Variants in TAFA2 observed in about 807,000 individuals in gnomAD.
TAFA2 encodes chemokine-like protein TAFA-2.
TAFA2 carries 7 observed loss-of-function variants against 18.8 expected under a neutral mutation model. The ratio of observed to expected loss-of-function variants is 0.37; its 90% CI spans 0.21 to 0.70. The LOEUF (loss-of-function observed/expected upper bound fraction) is 0.70, where lower values mean the gene tolerates loss of function less well. TAFA2 is among the 30% of genes least tolerant of loss of function. The probability of loss-of-function intolerance (pLI) is 0.53; values close to 1 mark genes in which losing one functional copy is unlikely to be tolerated. For synonymous variants in TAFA2, 60 were observed against 54.2 expected, an observed-to-expected ratio of 1.11 and a Z score of -0.47; for missense variants, 122 against 158.1, an observed-to-expected ratio of 0.77 and a Z score of 1.23.
intron 1 of TAFA2, among the ~76,000 whole-genome samples, chr12:62,018,875 G>C (rs902755922): frequency 2.0e-5 from 3 of 152,134 alleles, no homozygotes; most frequent in African/African-American, 7.2e-5. Context: ...ACTACCATCA[G>C]AATGAACAGG....
chr12:62,114,341 A>G (rs541905815), intron 1 of TAFA2, among the ~76,000 whole-genome samples: 3 of 152,226 alleles, frequency 2.0e-5, no homozygotes, highest in South Asian at 2.1e-4. Context: ...ACCAGTCCCA[A>G]TGAGATGAGC....
chr12:61,751,123 T>C (rs1005945910), intron 4 of TAFA2, among the ~76,000 whole-genome samples: 2 of 152,128 alleles, frequency 1.3e-5, no homozygotes, highest in African/African-American at 4.8e-5. Flanking sequence ...TATCCAACAC[T>C]TCCACTGTGG....
At chr12:61,907,687 C>G (rs77535579) in intron 1 of TAFA2, among the ~76,000 whole-genome samples, 1 of 152,014 alleles carries the variant, frequency 6.6e-6, no homozygotes, top group Non-Finnish European at 1.5e-5. Flanking sequence ...TGGTATCCAC[C>G]GACAGTTGTA....
intron 1 of TAFA2, among the ~76,000 whole-genome samples, chr12:62,055,169 C>T (rs1217782225): frequency 6.6e-6 from 1 of 152,118 alleles, no homozygotes; most frequent in Admixed American, 6.5e-5. Context: ...AAGCAGTCCC[C>T]CACCATATAC....
chr12:61,931,426 C>T (rs906134571), intron 1 of TAFA2, among the ~76,000 whole-genome samples: 1 of 152,218 alleles, frequency 6.6e-6, no homozygotes, highest in African/African-American at 2.4e-5. Context: ...TGTGTGAGCA[C>T]TTGGCACTGG....
At chr12:61,746,726 GA>G (rs1592361699) in intron 4 of TAFA2, among the ~76,000 whole-genome samples, 1 of 152,124 alleles carries the variant, frequency 6.6e-6, no homozygotes, top group East Asian at 1.9e-4. Flanking sequence ...CAGGCCTGAT[GA>G]AGGCAGGGAT....
chr12:62,052,813 C>T (rs1256599707), intron 1 of TAFA2, among the ~76,000 whole-genome samples: 1 of 152,120 alleles, frequency 6.6e-6, no homozygotes, highest in African/African-American at 2.4e-5. Flanking sequence ...TATCCAAGCA[C>T]CGATATTTAT....
chr12:62,079,120 T>A (rs979948621), intron 1 of TAFA2, among the ~76,000 whole-genome samples: 2 of 152,124 alleles, frequency 1.3e-5, no homozygotes, highest in African/African-American at 2.4e-5. Context: ...GCTGCCCCTC[T>A]CTCCAGCGTC....
At chr12:62,113,686 C>T (rs1208803996) in intron 1 of TAFA2, among the ~76,000 whole-genome samples, 1 of 152,152 alleles carries the variant, frequency 6.6e-6, no homozygotes, top group Non-Finnish European at 1.5e-5. Context: ...CAGAGATGCC[C>T]TGCCCAGAGA....
intron 2 of TAFA2, among the ~76,000 whole-genome samples, chr12:61,769,001 TG>T (rs2120833507): frequency 6.6e-6 from 1 of 152,000 alleles, no homozygotes; most frequent in African/African-American, 2.4e-5. Flanking sequence ...GTGCTGTTGG[TG>T]GGGCATGGTG....
At chr12:61,960,473 T>C (rs558160498) in intron 1 of TAFA2, among the ~76,000 whole-genome samples, 1 of 152,192 alleles carries the variant, frequency 6.6e-6, no homozygotes, top group South Asian at 2.1e-4. Flanking sequence ...ATTTACTAAG[T>C]TTATAGTGAC....
chr12:61,739,010 G>T (rs74095417), intron 4 of TAFA2, among the ~76,000 whole-genome samples: 517 of 152,072 alleles, frequency 3.4e-3, no homozygotes, highest in African/African-American at 0.012. Flanking sequence ...AGCACATATA[G>T]CCCTTATACT....
chr12:61,756,550 T>G (rs951093770), intron 2 of TAFA2, among the ~76,000 whole-genome samples: 1 of 152,094 alleles, frequency 6.6e-6, no homozygotes, highest in African/African-American at 2.4e-5. Context: ...GCCATGGTCT[T>G]GAGTACTGGA....
At chr12:61,723,148 T>C (rs1303740181) in intron 4 of TAFA2, among the ~76,000 whole-genome samples, 4 of 152,254 alleles carry the variant, frequency 2.6e-5, no homozygotes, top group East Asian at 1.9e-4. Context: ...CCAGAAGAAA[T>C]GTGGCCACTT....
chr12:62,198,965 A>G (rs148810509), intron 1 of TAFA2, among the ~76,000 whole-genome samples: 111 of 152,348 alleles, frequency 7.3e-4, no homozygotes, highest in Non-Finnish European at 1.2e-3. Flanking sequence ...TACATGTAGT[A>G]GGCAAATATA....
intron 2 of TAFA2, among the ~76,000 whole-genome samples, chr12:61,794,265 T>C (rs1390960206): frequency 6.6e-6 from 1 of 152,018 alleles, no homozygotes; most frequent in Non-Finnish European, 1.5e-5. Flanking sequence ...GGAAGAAATA[T>C]TTGCTGACAG....
chr12:61,820,381 A>G (rs560657048), intron 2 of TAFA2, among the ~76,000 whole-genome samples: 32 of 152,152 alleles, frequency 2.1e-4, no homozygotes, highest in African/African-American at 6.7e-4. Flanking sequence ...CAATGTCTAC[A>G]TTCATGTCCT....
At chr12:62,238,575 G>A (rs982805564) in intron 1 of TAFA2, among the ~76,000 whole-genome samples, 3 of 152,134 alleles carry the variant, frequency 2.0e-5, no homozygotes, top group Non-Finnish European at 4.4e-5. Flanking sequence ...AACTTGCCCA[G>A]AGTTAGACAT....
chr12:61,986,471 A>G (rs1471136391), intron 1 of TAFA2, among the ~76,000 whole-genome samples: 1 of 150,992 alleles, frequency 6.6e-6, no homozygotes, highest in African/African-American at 2.4e-5. Flanking sequence ...GCTAATTTTT[A>G]TATTTTTAGT....
Sources: allele counts gnomAD v4.1 joint callset (sites outside exome capture counted in the v4.1 genomes callset), GRCh38; gene constraint gnomAD v4.1.1; transcripts MANE v1.5; gene names NCBI Gene and HGNC (gene_info 2026-07-23, HGNC 2026-07-21).